The following SLC43A2 variants were observed in gnomAD, a reference collection of about 807,000 sequenced individuals.
SLC43A2 encodes large neutral amino acids transporter small subunit 4.
Under a neutral mutation model 63.2 loss-of-function variants are expected in SLC43A2, and 38 were observed. The observed-to-expected ratio is 0.60, with a 90% CI of 0.46 to 0.79. SLC43A2 has a LOEUF of 0.79. Ranked by LOEUF, SLC43A2 falls within the 30% of genes least tolerant of loss-of-function variation. SLC43A2 has a pLI of 0.00. For synonymous variants in SLC43A2, 322 were observed against 331.0 expected (o/e 0.97, Z 0.30); for missense variants, 644 against 756.2 (o/e 0.85, Z 1.74).
chr17:1,611,903 CGAGCCCACA>C (rs1907141808), intron 5 of SLC43A2, among the ~76,000 whole-genome samples: 1 of 10,464 alleles, frequency 9.6e-5, no homozygotes, highest in Non-Finnish European at 1.5e-3. Context: ...CCCAACTGGG[CGAGCCCACA>C]GAGTTCCCTT....
intron 9 of SLC43A2, among the ~76,000 whole-genome samples, chr17:1,590,568 C>G (rs1409401671): frequency 6.6e-6 from 1 of 152,232 alleles, no homozygotes; most frequent in Non-Finnish European, 1.5e-5. Flanking sequence ...ACCCCACACC[C>G]AGGAGGCTAT....
intron 11 of SLC43A2, among the ~76,000 whole-genome samples, chr17:1,580,400 G>A (rs926595124): frequency 1.1e-4 from 17 of 152,318 alleles, no homozygotes; most frequent in African/African-American, 3.8e-4. Context: ...CTGAGCAAGA[G>A]GTTGCTGACC....
rs1361013323 is a variant in SLC43A2 at position 1,577,516 on chromosome 17, G to C, written c.1424+734C>G. On this transcript the variant is annotated intron_variant, in intron 12 of 13. Transcript: ENST00000301335. The surrounding 1 kb of genome is among the most constrained non-coding windows in gnomAD (Gnocchi z 4.9). The stretch of plus-strand genomic sequence containing the variant: ...CGGAGCTGGGATTACCCCAGGGGCT[G>C]TTGCGGGAATTGGGAGAGAGTTCCG... 2.6e-5 allele frequency among the ~76,000 whole-genome samples: 4 copies of C among 152,226 alleles called. No homozygotes were observed. In the East Asian group the frequency reaches 5.8e-4, roughly 22 times the overall value.
At chr17:1,601,949 A>G (rs1363727258) in intron 5 of SLC43A2, among the ~76,000 whole-genome samples, 2 of 149,284 alleles carry the variant, frequency 1.3e-5, no homozygotes, top group African/African-American at 5.0e-5. Flanking sequence ...GCCTTCCCGA[A>G]GGTCCCAACC....
At chr17:1,594,812 T>C (rs1054188365) in intron 5 of SLC43A2, among the ~76,000 whole-genome samples, 31 of 151,468 alleles carry the variant, frequency 2.0e-4, no homozygotes, top group Non-Finnish European at 3.5e-4. Flanking sequence ...ATGGTCTGGA[T>C]CTCCTGACCT....
chr17:1,581,671 T>C (rs1214820371), intron 11 of SLC43A2, among the ~76,000 whole-genome samples: 1 of 152,152 alleles, frequency 6.6e-6, no homozygotes, highest in Non-Finnish European at 1.5e-5. Context: ...AATTTAGGGA[T>C]TGGGCCAAAA....
intron 5 of SLC43A2, among the ~76,000 whole-genome samples, chr17:1,599,251 G>A (rs367925005): frequency 1.7e-4 from 26 of 150,316 alleles, no homozygotes; most frequent in East Asian, 1.2e-3. Context: ...GAAGCAGGAG[G>A]ATTGCTTGAA....
intron 9 of SLC43A2, among the ~76,000 whole-genome samples, chr17:1,589,079 G>A (rs545736878): frequency 2.6e-4 from 39 of 152,374 alleles, no homozygotes; most frequent in African/African-American, 9.1e-4. Context: ...GGAGGAGGGG[G>A]AAAACCAGTG....
At chr17:1,619,736 G>C (rs1907982498) in intron 2 of SLC43A2, among the ~76,000 whole-genome samples, 2 of 152,246 alleles carry the variant, frequency 1.3e-5, no homozygotes, top group African/African-American at 4.8e-5. Context: ...GTCAGGGAAA[G>C]AGGGTCTCTA....
At position 1,573,256 on chromosome 17, in the gene SLC43A2, A is replaced by T. The variant is rs1374295547; in HGVS notation, c.*2348T>A. On this transcript the variant is annotated 3_prime_UTR_variant, in exon 14 of 14. Transcript: ENST00000301335. ...CTAGTTAGGGTTTCTCCGAATCTGCAACTCCTGTGTGATGGCGGGTCTCAA... is the reference window on the plus strand; with the variant it reads ...CTAGTTAGGGTTTCTCCGAATCTGCTACTCCTGTGTGATGGCGGGTCTCAA... The T allele has an allele frequency of 6.6e-6, 1 of 151,738 alleles. No homozygotes were observed. The highest frequency in any genetic ancestry group is 2.4e-5 in the African/African-American group (1 of 41,228). 9.4% of individuals were successfully genotyped at this position (151,738 alleles called of 1,614,324 possible).
Position 1,572,093 on chromosome 17 carries a change from G to A in SLC43A2, c.*3511C>T, listed in dbSNP as rs2075854184. 6.6e-6 allele frequency: 1 copy of A among 152,494 alleles called. No individual in the cohort carries two copies. The highest frequency in any genetic ancestry group is 2.4e-5 in the African/African-American group (1 of 41,470). 9.4% of individuals were successfully genotyped at this position (152,494 alleles called of 1,614,324 possible). A position where few individuals can be genotyped will look rare whatever the true frequency, so the allele number is the denominator to read the frequency against. On this transcript the variant is annotated 3_prime_UTR_variant, in exon 14 of 14. Coordinates refer to ENST00000301335, the MANE Select transcript of SLC43A2 (RefSeq NM_152346.3). ...TCACAGGGCACTTGTCTTGCTGGTT[G>A]GGGTCACCAGGGATTGCTCCCCCAA...
rs1196082323 is a variant in SLC43A2, at chr17:1,578,247, T to TA, written c.1424+2dup. 6.2e-7 allele frequency: 1 copy of TA among 1,612,698 alleles called. No homozygotes were observed. The highest frequency in any genetic ancestry group is 1.1e-5 in the South Asian group (1 of 91,054). ...CAGGCCACCTGCGGCTTCCAGGACTTACACGGCAGCGTACAGGCCCCCGAC... is the reference window on the plus strand; with the variant it reads ...CAGGCCACCTGCGGCTTCCAGGACTTAACACGGCAGCGTACAGGCCCCCGAC... On this transcript the variant is annotated splice_region_variant and intron_variant, in intron 12 of 13. Coordinates refer to ENST00000301335, the MANE Select transcript of SLC43A2 (RefSeq NM_152346.3). This position sits in a 1 kb window ranked among gnomAD's most constrained non-coding sequence, Gnocchi z 6.5.
At chr17:1,611,456 G>A (rs1907095575) in intron 5 of SLC43A2, among the ~76,000 whole-genome samples, 1 of 151,908 alleles carries the variant, frequency 6.6e-6, no homozygotes, top group South Asian at 2.1e-4. Flanking sequence ...CCAACATGGT[G>A]AAACCCCGTC....
chr17:1,585,370 T>C (rs1475999023), intron 10 of SLC43A2: 2 of 454,694 alleles, frequency 4.4e-6, no homozygotes, highest in Non-Finnish European at 6.4e-6. Context: ...GCCTCCTGAG[T>C]AGCTGGGATT....
intron 9 of SLC43A2, among the ~76,000 whole-genome samples, chr17:1,588,266 A>G (rs1377663565): frequency 1.3e-5 from 2 of 151,914 alleles, no homozygotes; most frequent in African/African-American, 4.8e-5. Flanking sequence ...GGTGCCTGTA[A>G]CCCCAGCTAC....
chr17:1,613,307 C>T (rs368388436), intron 4 of SLC43A2, 36 bp from the exon 5 acceptor site: 1 of 1,603,704 alleles, frequency 6.2e-7, no homozygotes. Flanking sequence ...GTGGAGACCC[C>T]AGCTGAGCTC....
At chr17:1,585,296 C>T (rs1032908716) in intron 10 of SLC43A2, 2 of 966,198 alleles carry the variant, frequency 2.1e-6, no homozygotes, top group Non-Finnish European at 2.5e-6. Context: ...GCTGGAAGTG[C>T]AATGGCGTGA....
upstream of SLC43A2, among the ~76,000 whole-genome samples, chr17:1,629,200 C>G (rs1908971945): frequency 6.6e-6 from 1 of 152,188 alleles, no homozygotes; most frequent in African/African-American, 2.4e-5. Context: ...CGCCGGGCCA[C>G]CAGCGCCCCC....
rs2075828477 is a variant in SLC43A2, at chr17:1,570,318, T to G, written c.*5286A>C. On this transcript the variant is annotated 3_prime_UTR_variant, in exon 14 of 14. Transcript: ENST00000301335. Reference sequence around the variant, plus strand: ...TCCCAAAGCACTGGGATTACAGGGATGAGCCACCTCGCTGGGACCAGACCT... The same window carrying G: ...TCCCAAAGCACTGGGATTACAGGGAGGAGCCACCTCGCTGGGACCAGACCT... The G allele has an allele frequency of 6.6e-6, 1 of 152,140 alleles. No individual in the cohort carries two copies. Among genetic ancestry groups the G allele is most frequent in the African/African-American group, 2.4e-5 (1 of 41,394 alleles). 9.4% of individuals were successfully genotyped at this position (152,140 alleles called of 1,614,324 possible). A position where few individuals can be genotyped will look rare whatever the true frequency, so the allele number is the denominator to read the frequency against.
Sources: allele counts gnomAD v4.1 joint callset (sites outside exome capture counted in the v4.1 genomes callset), GRCh38; gene constraint gnomAD v4.1.1; non-coding constraint Gnocchi (gnomAD v3.1); transcripts MANE v1.5; gene names NCBI Gene and HGNC (gene_info 2026-07-23, HGNC 2026-07-21).